The following SMCHD1 variants were observed in gnomAD, a reference collection of about 807,000 sequenced individuals.
SMCHD1 encodes the protein structural maintenance of chromosomes flexible hinge domain containing 1, also known as structural maintenance of chromosomes flexible hinge domain-containing protein 1.
In SMCHD1, 78 loss-of-function variants were observed where a neutral mutation model predicts 254.7. The observed-to-expected ratio is 0.31, with a 90% confidence interval of 0.26 to 0.37. The LOEUF is 0.37. Among genes scored for constraint, SMCHD1 ranks in the 10% least tolerant of loss-of-function variants. SMCHD1 has a pLI of 1.00. For missense variants in SMCHD1, 1,840 were observed against 2,408.1 expected (o/e 0.76, Z 4.94); for synonymous variants, 766 against 794.9 (o/e 0.96, Z 0.61).
At chr18:2,680,495 T>C (rs2073900453) in intron 5 of SMCHD1, among the ~76,000 whole-genome samples, 1 of 152,226 alleles carries the variant, frequency 6.6e-6, no homozygotes, top group Non-Finnish European at 1.5e-5. Flanking sequence ...GCTGAGGGGC[T>C]CTGTGTGCAT....
rs2075228281 is a variant in SMCHD1, at chr18:2,735,328, A to G, written c.3276+2836A>G. Among the ~76,000 whole-genome samples, 3 of 152,324 alleles carry G rather than the reference A, an allele frequency of 2.0e-5. No individual in the cohort carries two copies. In the South Asian group the frequency reaches 6.2e-4, roughly 32 times the overall value. On this transcript the variant is annotated intron_variant, in intron 25 of 47. Coordinates refer to ENST00000320876, the MANE Select transcript of SMCHD1 (RefSeq NM_015295.3). ...CATCCATGACAAACCCACAGCCAAC[A>G]TAATATTGAACAGGCAAAAACCGGA...
intron 23 of SMCHD1, 23 bp from the exon 24 acceptor site, chr18:2,729,252 A>T (rs776642873): frequency 7.0e-7 from 1 of 1,424,122 alleles, no homozygotes; most frequent in South Asian, 1.6e-5. Flanking sequence ...GGGGTCTTAC[A>T]TTATTTTTCA....
At chr18:2,712,571 C>A (rs1172806106) in intron 17 of SMCHD1, among the ~76,000 whole-genome samples, 1 of 152,184 alleles carries the variant, frequency 6.6e-6, no homozygotes, top group Non-Finnish European at 1.5e-5. Flanking sequence ...GCAGGGCCAA[C>A]CACAGGAGTT....
intron 2 of SMCHD1, 116 bp from the exon 3 acceptor site, chr18:2,666,754 T>C (rs2073450595): frequency 1.2e-6 from 1 of 816,324 alleles, no homozygotes; most frequent in Non-Finnish European, 1.8e-6. Context: ...TGATTGGGGG[T>C]TTTTCTTTAC....
intron 5 of SMCHD1, among the ~76,000 whole-genome samples, chr18:2,674,578 G>A (rs191045522): frequency 1.3e-5 from 2 of 152,282 alleles, no homozygotes; most frequent in East Asian, 3.9e-4. Context: ...GGAATCTAGT[G>A]GAGTTATATA....
intron 47 of SMCHD1, among the ~76,000 whole-genome samples, chr18:2,797,145 A>G (rs944206293): frequency 6.6e-6 from 1 of 152,138 alleles, no homozygotes; most frequent in Non-Finnish European, 1.5e-5. Flanking sequence ...CAGTAACTTA[A>G]TAAGTATAGA....
At chr18:2,759,085 C>T (rs1168191924) in intron 34 of SMCHD1, among the ~76,000 whole-genome samples, 2 of 152,088 alleles carry the variant, frequency 1.3e-5, no homozygotes, top group Non-Finnish European at 2.9e-5. Context: ...CCTAGAGTTC[C>T]TTTAGGTCTG....
chr18:2,744,423 G>GTTT (rs1225075905), intron 29 of SMCHD1, among the ~76,000 whole-genome samples: 1 of 142,124 alleles, frequency 7.0e-6, no homozygotes. Context: ...TGTCAAATCT[G>GTTT]TTTTTTTTTT....
At position 2,700,609 on chromosome 18, in the gene SMCHD1, T is replaced by A. The variant is rs1283229130; in HGVS notation, c.1413T>A (p.Ile471=). ...AAGCAGCTAGAGGGAAAAGGCCTATTTTTGAATGTTTTTGGAATGGACGAT... is the reference window on the plus strand; with the variant it reads ...AAGCAGCTAGAGGGAAAAGGCCTATATTTGAATGTTTTTGGAATGGACGAT... ...LEKAARGKRP[I]FECFWNGRLI... Residue 471 remains isoleucine (I), a synonymous_variant, in exon 11 of 48, where the codon ATT becomes ATA. Transcript: ENST00000320876. The A allele has an allele frequency of 3.1e-6, 5 of 1,611,624 alleles. 1 individual carries two copies. The Admixed American group carries it at 8.4e-5, about 27-fold the overall frequency.
chr18:2,680,959 AC>A (rs2073909312), intron 5 of SMCHD1, among the ~76,000 whole-genome samples: 1 of 152,022 alleles, frequency 6.6e-6, no homozygotes, highest in Non-Finnish European at 1.5e-5. Flanking sequence ...TGTATCTCAA[AC>A]CCTTGTTAAG....
At chr18:2,758,103 C>T (rs62077671) in intron 34 of SMCHD1, among the ~76,000 whole-genome samples, 1 of 151,928 alleles carries the variant, frequency 6.6e-6, no homozygotes, top group African/African-American at 2.4e-5. Context: ...TTGTAAATGG[C>T]ATTATCGTTT....
At chr18:2,744,509 AAT>A (rs1318036032) in intron 29 of SMCHD1, among the ~76,000 whole-genome samples, 1 of 152,192 alleles carries the variant, frequency 6.6e-6, no homozygotes, top group Non-Finnish European at 1.5e-5. Context: ...CATATTTTGA[AAT>A]ATGTATACAT....
At chr18:2,728,306 A>G in intron 22 of SMCHD1, 151 bp from the exon 23 acceptor site, 1 of 711,640 alleles carries the variant, frequency 1.4e-6, no homozygotes, top group South Asian at 1.9e-5. Flanking sequence ...TTGGGATGAA[A>G]CTGATTAAGC....
chr18:2,737,565 T>G (rs898097654), intron 25 of SMCHD1, among the ~76,000 whole-genome samples: 1 of 137,002 alleles, frequency 7.3e-6, no homozygotes, highest in Admixed American at 7.7e-5. Flanking sequence ...AACAAAAAAT[T>G]AGGCAGACCT....
At chr18:2,753,529 G>A (rs1038479637) in intron 34 of SMCHD1, among the ~76,000 whole-genome samples, 3 of 152,146 alleles carry the variant, frequency 2.0e-5, no homozygotes, top group African/African-American at 7.2e-5. Context: ...AAACATAGAT[G>A]TGTGTGTTTA....
intron 24 of SMCHD1, among the ~76,000 whole-genome samples, chr18:2,732,008 C>T (rs917191578): frequency 6.6e-6 from 1 of 151,842 alleles, no homozygotes; most frequent in African/African-American, 2.4e-5. Context: ...GAGACTCTGT[C>T]TCAAAAAAAA....
intron 28 of SMCHD1, among the ~76,000 whole-genome samples, chr18:2,742,488 C>T (rs889528743): frequency 2.6e-5 from 4 of 152,160 alleles, no homozygotes; most frequent in African/African-American, 9.7e-5. Flanking sequence ...ATATTTTGAA[C>T]TTCAGTACAT....
At chr18:2,701,808 T>C (rs2074408041) in intron 12 of SMCHD1, among the ~76,000 whole-genome samples, 1 of 152,136 alleles carries the variant, frequency 6.6e-6, no homozygotes, top group Admixed American at 6.5e-5. Flanking sequence ...AGTAGTTTAA[T>C]GTTGAATTGC....
intron 29 of SMCHD1, 86 bp from the exon 30 acceptor site, chr18:2,747,436 A>C: frequency 8.4e-7 from 1 of 1,190,534 alleles, no homozygotes. Context: ...GAGATAAATT[A>C]AGTGATCGTT....
Sources: gnomAD v4.1 joint callset for allele counts (sites outside exome capture counted in the v4.1 genomes callset) on GRCh38, gnomAD v4.1.1 for gene constraint, MANE v1.5 for transcripts, NCBI Gene and HGNC (gene_info 2026-07-23, HGNC 2026-07-21) for gene names.